The following FAM117A variants were observed in gnomAD, a reference collection of about 807,000 sequenced individuals.
FAM117A encodes the protein protein FAM117A.
A neutral mutation model predicts 44.1 loss-of-function variants in FAM117A; 21 were observed. The ratio of observed to expected loss-of-function variants is 0.48; its 90% confidence interval spans 0.34 to 0.69. FAM117A has a LOEUF of 0.69. Ranked by LOEUF, FAM117A falls within the 30% of genes least tolerant of loss-of-function variation. The probability of loss-of-function intolerance (pLI) is 0.01; values close to 1 mark genes in which losing one functional copy is unlikely to be tolerated. For missense variants in FAM117A, 498 were observed against 589.9 expected, an observed-to-expected ratio of 0.84 and a Z score of 1.61; for synonymous variants, 220 against 238.3, an observed-to-expected ratio of 0.92 and a Z score of 0.71.
chr17:49,724,822 GA>G (rs906558600), intron 2 of FAM117A, among the ~76,000 whole-genome samples: 743 of 43,598 alleles, frequency 0.017, 3 homozygotes, highest in Admixed American at 0.051. Context: ...ACAGTCTCAA[GA>G]AAAAAAAAAA....
intron 1 of FAM117A, among the ~76,000 whole-genome samples, chr17:49,777,652 C>T (rs1291217658): frequency 6.6e-6 from 1 of 151,916 alleles, no homozygotes; most frequent in Non-Finnish European, 1.5e-5. Context: ...TGAAATGTCC[C>T]TTCTTATGGG....
chr17:49,722,575 T>C lies in FAM117A; in HGVS notation c.386A>G (p.Glu129Gly), dbSNP rs1459784341. 3.1e-6 allele frequency: 5 copies of C among 1,613,834 alleles called. No individual in the cohort carries two copies. Among genetic ancestry groups the C allele is most frequent in the Admixed American group, 3.3e-5 (2 of 59,998 alleles). ...GGAACTGGCACGCTCACCTTCTAGC[T>C]CTTGCCAGGACAGGGGCGTCTGCAG... ...KATQTPLSWQ[E>G]LEGERASSCA... is the part of the protein sequence containing the mutation. Residue 129 changes from glutamate to glycine, a missense_variant, in exon 3 of 8, where the codon GAG (glutamate) becomes GGG (glycine). By Grantham distance (98) the Glu-to-Gly change is moderately conservative (BLOSUM62 -2). Coordinates refer to ENST00000240364, the MANE Select transcript of FAM117A (RefSeq NM_030802.4).
intron 1 of FAM117A, among the ~76,000 whole-genome samples, chr17:49,786,564 G>A (rs773046325): frequency 1.1e-4 from 17 of 151,734 alleles, no homozygotes; most frequent in Non-Finnish European, 2.4e-4. Flanking sequence ...ATCACCTGAG[G>A]TCAGGAGTTC....
In FAM117A at chr17:49,783,555, G is replaced by A. The variant is rs181697442; in HGVS notation, c.-621+4942C>T. Reference sequence around the variant, plus strand: ...TCTCCCAGGGTGGGGCTGCGGGTGGGGGCTAAGGGTGCTACAAGATCCAAA... The same window carrying A: ...TCTCCCAGGGTGGGGCTGCGGGTGGAGGCTAAGGGTGCTACAAGATCCAAA... On this transcript the variant is annotated intron_variant, in intron 1 of 7. Transcript: ENST00000513602. 2.6e-3 allele frequency among the ~76,000 whole-genome samples: 402 copies of A among 152,186 alleles called. 3 individuals carry two copies. The highest frequency in any genetic ancestry group is 1.9e-3 in the Non-Finnish European group (129 of 68,010).
intron 1 of FAM117A, among the ~76,000 whole-genome samples, chr17:49,746,204 T>C (rs947759930): frequency 1.3e-5 from 2 of 152,164 alleles, no homozygotes; most frequent in African/African-American, 2.4e-5. Context: ...ATAAGACCAT[T>C]GTGGCAAAAG....
intron 1 of FAM117A, among the ~76,000 whole-genome samples, chr17:49,774,871 G>C (rs1463026593): frequency 6.6e-6 from 1 of 152,136 alleles, no homozygotes; most frequent in African/African-American, 2.4e-5. Context: ...TACTTTGGGG[G>C]TTCCTCATTA....
intron 1 of FAM117A, among the ~76,000 whole-genome samples, chr17:49,757,893 A>C (rs1168105481): frequency 6.6e-6 from 1 of 152,230 alleles, no homozygotes; most frequent in East Asian, 1.9e-4. Context: ...GTGACAAAGA[A>C]GGGTAACATG....
chr17:49,755,116 C>T (rs1300387514), intron 1 of FAM117A, among the ~76,000 whole-genome samples: 1 of 151,168 alleles, frequency 6.6e-6, no homozygotes, highest in African/African-American at 2.4e-5. Context: ...GCAAGGAACA[C>T]AGACTCTGTG....
At chr17:49,758,640 A>T (rs1396289223) in intron 1 of FAM117A, among the ~76,000 whole-genome samples, 2 of 43,266 alleles carry the variant, frequency 4.6e-5, no homozygotes, top group Non-Finnish European at 1.2e-4. Context: ...AAAAAAATAA[A>T]ATAAATAAAT....
At chr17:49,735,351 C>T (rs1567830282) in intron 1 of FAM117A, among the ~76,000 whole-genome samples, 1 of 151,642 alleles carries the variant, frequency 6.6e-6, no homozygotes, top group Non-Finnish European at 1.5e-5. Context: ...GATCACGCCA[C>T]TGCACTCCAG....
chr17:49,742,659 A>T (rs1229029256), intron 1 of FAM117A, among the ~76,000 whole-genome samples: 2 of 147,260 alleles, frequency 1.4e-5, no homozygotes, highest in African/African-American at 5.0e-5. Flanking sequence ...CCCTATCTCT[A>T]AAAAAAAAAA....
chr17:49,770,096 CCT>C (rs2143795295), intron 1 of FAM117A, among the ~76,000 whole-genome samples: 1 of 151,896 alleles, frequency 6.6e-6, no homozygotes, highest in East Asian at 1.9e-4. Flanking sequence ...ATGGTAAAAC[CCT>C]GTCTCTACTA....
At chr17:49,728,876 ATCC>A (rs2073572246) in intron 2 of FAM117A, among the ~76,000 whole-genome samples, 2 of 152,198 alleles carry the variant, frequency 1.3e-5, no homozygotes, top group Admixed American at 1.3e-4. Context: ...ATGTTCACAC[ATCC>A]TCCTCCCAAA....
In FAM117A at chr17:49,717,497, A is replaced by T; in HGVS notation, c.910+16T>A. On this transcript the variant is annotated intron_variant, in intron 6 of 7. Coordinates refer to ENST00000240364, the MANE Select transcript of FAM117A (RefSeq NM_030802.4). ...GCCCCAGAGTCAGCCCTGCTGCCTC[A>T]GCCTTCGCGGCTTACCTTTGTCGTT... is the stretch of plus-strand genomic sequence containing the variant. 6.2e-7 allele frequency: 1 copy of T among 1,612,506 alleles called. No individual in the cohort carries two copies. The highest frequency in any genetic ancestry group is 1.1e-5 in the South Asian group (1 of 90,938).
intron 6 of FAM117A, among the ~76,000 whole-genome samples, 160 bp downstream of exon 6, chr17:49,717,353 T>C (rs2073509017): frequency 6.6e-6 from 1 of 152,238 alleles, no homozygotes; most frequent in Non-Finnish European, 1.5e-5. Flanking sequence ...TATGGGACCA[T>C]TATTATCATT....
chr17:49,723,445 A>T (rs547971453), intron 2 of FAM117A, among the ~76,000 whole-genome samples: 77 of 152,316 alleles, frequency 5.1e-4, no homozygotes, highest in African/African-American at 1.8e-3. Flanking sequence ...GTTGGCTCTA[A>T]GCATGAAGCC....
upstream of FAM117A, among the ~76,000 whole-genome samples, chr17:49,767,910 A>AT (rs1407954713): frequency 6.7e-6 from 1 of 150,256 alleles, no homozygotes; most frequent in African/African-American, 2.5e-5. Context: ...AAAAATAATA[A>AT]TAAAAAAAAA....
At chr17:49,786,646 G>C (rs58552986) in intron 1 of FAM117A, among the ~76,000 whole-genome samples, 1 of 152,040 alleles carries the variant, frequency 6.6e-6, no homozygotes, top group Non-Finnish European at 1.5e-5. Context: ...ATGTGGTGGC[G>C]GGCGCCTGTA....
chr17:49,753,059 C>T (rs1403260483), intron 1 of FAM117A, among the ~76,000 whole-genome samples: 1 of 152,074 alleles, frequency 6.6e-6, no homozygotes, highest in African/African-American at 2.4e-5. Flanking sequence ...GATGGGGTTT[C>T]ACCATGTTGG....
Sources: gnomAD v4.1 joint callset for allele counts (sites outside exome capture counted in the v4.1 genomes callset) on GRCh38, gnomAD v4.1.1 for gene constraint, MANE v1.5 for transcripts, NCBI Gene and HGNC (gene_info 2026-07-23, HGNC 2026-07-21) for gene names.